Variants in CELF2 observed in about 807,000 individuals in gnomAD.
CELF2 encodes the protein CUG triplet repeat RNA-binding protein 2.
Under a neutral mutation model 62.6 loss-of-function variants are expected in CELF2, and 8 were observed. The ratio of observed to expected loss-of-function variants is 0.13; its 90% CI spans 0.07 to 0.23. The LOEUF (loss-of-function observed/expected upper bound fraction) is 0.23, where lower values mean the gene tolerates loss of function less well. Ranked by LOEUF, CELF2 falls within the 10% of genes least tolerant of loss-of-function variation. CELF2 has a pLI of 1.00. For missense variants in CELF2, 333 were observed against 671.0 expected, an observed-to-expected ratio of 0.50 and a Z score of 5.56; for synonymous variants, 258 against 250.0, an observed-to-expected ratio of 1.03 and a Z score of -0.30.
the CELF2 span, among the ~76,000 whole-genome samples, chr10:10,559,412 T>C: frequency 6.6e-6 from 1 of 152,218 alleles, no homozygotes; most frequent in African/African-American, 2.4e-5. Flanking sequence ...TCCCACAGAA[T>C]GTTACAAGGG....
At chr10:10,883,927 T>C (rs1180223045) in intron 1 of CELF2, among the ~76,000 whole-genome samples, 5 of 149,068 alleles carry the variant, frequency 3.4e-5, no homozygotes, top group African/African-American at 1.2e-4. Context: ...TCCTCCTCCT[T>C]CTCCTCCTCC....
At chr10:10,836,903 G>A (rs1186490568) in intron 1 of CELF2, among the ~76,000 whole-genome samples, 1 of 152,184 alleles carries the variant, frequency 6.6e-6, no homozygotes, top group Non-Finnish European at 1.5e-5. Context: ...TCAAAGTGCT[G>A]GGATTACAGG....
rs35886208 is a variant in CELF2, at chr10:11,053,612, C to CTT, written c.74+35468_74+35469dup. The stretch of plus-strand genomic sequence containing the variant: ...CATTCGTAGGCATACTCTGATATTT[C>CTT]TTTTTTTTTTTTTTTTTTTTGAGAC... On this transcript the variant is annotated intron_variant, in intron 1 of 12. Transcript: ENST00000633077. Among the ~76,000 whole-genome samples, 315 of 122,396 alleles carry CTT rather than the reference C, an allele frequency of 2.6e-3. 3 individuals are homozygous for CTT. Among genetic ancestry groups the CTT allele is most frequent in the African/African-American group, 5.5e-3 (182 of 33,134 alleles). 80.3% of individuals were successfully genotyped at this position (122,396 alleles called of 152,430 possible). A position where few individuals can be genotyped will look rare whatever the true frequency, so the allele number is the denominator to read the frequency against.
chr10:11,028,741 A>G (rs1173686631), intron 1 of CELF2, among the ~76,000 whole-genome samples: 10 of 118,850 alleles, frequency 8.4e-5, no homozygotes, highest in South Asian at 2.7e-4. Context: ...TTTTTGGGAG[A>G]TGGAATCTTG....
intron 1 of CELF2, among the ~76,000 whole-genome samples, chr10:10,903,552 T>C (rs1051171746): frequency 5.3e-5 from 8 of 152,214 alleles, no homozygotes; most frequent in Admixed American, 3.9e-4. Flanking sequence ...AAAGCTTCTA[T>C]AGGGAGTCTA....
chr10:11,120,772 C>T lies in CELF2; in HGVS notation c.75-44714C>T, dbSNP rs911229567. ...CCATCCATGCTGTGGCTGGTTTGGGCCCTTGATTTCATAGATTACTACCTG... is the reference window on the plus strand; with the variant it reads ...CCATCCATGCTGTGGCTGGTTTGGGTCCTTGATTTCATAGATTACTACCTG... On this transcript the variant is annotated intron_variant, in intron 1 of 12. Transcript: ENST00000633077. Among the ~76,000 whole-genome samples the T allele has an allele frequency of 8.5e-5, 13 of 152,250 alleles. No homozygotes were observed. The South Asian group carries it at 2.3e-3, about 27-fold the overall frequency.
At chr10:10,814,213 C>CAAAAAAA (rs2056217172) in intron 1 of CELF2, among the ~76,000 whole-genome samples, 1 of 20,996 alleles carries the variant, frequency 4.8e-5, no homozygotes, top group Non-Finnish European at 8.0e-5. Flanking sequence ...AAGAAGAGTC[C>CAAAAAAA]TAAAAAAAAA....
chr10:11,224,287 T>C lies in CELF2; in HGVS notation c.354+6780T>C, dbSNP rs1223144656. On this transcript the variant is annotated intron_variant, in intron 3 of 12. Coordinates refer to ENST00000633077, the MANE Select transcript of CELF2 (RefSeq NM_001326342.2). The surrounding 1 kb of genome is among the most constrained non-coding windows in gnomAD (Gnocchi z 4.5). ...AGAAAGTATGTTAACGCGCTGGTAC[T>C]GGTGCCTGATCAGATTTGCAAAAGT... Among the ~76,000 whole-genome samples the C allele has an allele frequency of 6.6e-6, 1 of 152,206 alleles. No homozygotes were observed. Among genetic ancestry groups the C allele is most frequent in the African/African-American group, 2.4e-5 (1 of 41,446 alleles).
chr10:10,748,724 G>A, the CELF2 span, among the ~76,000 whole-genome samples: 2 of 146,362 alleles, frequency 1.4e-5, no homozygotes, highest in South Asian at 4.4e-4. Context: ...CTCCATCCTG[G>A]GTGACAGAGC....
intron 1 of CELF2, among the ~76,000 whole-genome samples, chr10:11,134,527 G>T (rs1623188): frequency 0.32 from 47,997 of 151,924 alleles, 8,487 homozygotes; most frequent in East Asian, 0.76. Flanking sequence ...TGTCCTTCCA[G>T]TGCTGATTGT....
At chr10:10,843,537 T>G (rs947606818) in intron 1 of CELF2, among the ~76,000 whole-genome samples, 1 of 152,056 alleles carries the variant, frequency 6.6e-6, no homozygotes. Flanking sequence ...AAACATACTT[T>G]GTATGGTCTA....
At chr10:10,519,821 G>T in the CELF2 span, among the ~76,000 whole-genome samples, 1 of 152,224 alleles carries the variant, frequency 6.6e-6, no homozygotes. Flanking sequence ...ATGGGGAAGG[G>T]TTAAGGCTGT....
rs1451734273 is a variant in CELF2, at chr10:11,159,303, G to C, written c.75-6183G>C. Among the ~76,000 whole-genome samples the C allele has an allele frequency of 6.6e-6, 1 of 152,222 alleles. No homozygotes were observed. Among genetic ancestry groups the C allele is most frequent in the Admixed American group, 6.5e-5 (1 of 15,290 alleles). On this transcript the variant is annotated intron_variant, in intron 1 of 12. Coordinates refer to ENST00000633077, the MANE Select transcript of CELF2 (RefSeq NM_001326342.2). This position sits in a 1 kb window ranked among gnomAD's most constrained non-coding sequence, Gnocchi z 5.0. ...TTACCCAAAGTTTTCAGCAGCCCTG[G>C]ATGCCACTACAGTTAAGACATAGCT...
chr10:10,714,093 A>G, the CELF2 span, among the ~76,000 whole-genome samples: 138 of 152,278 alleles, frequency 9.1e-4, no homozygotes, highest in African/African-American at 3.0e-3. Context: ...CAATAAGACC[A>G]ACACGAAGAC....
At chr10:10,767,852 C>T in the CELF2 span, among the ~76,000 whole-genome samples, 2 of 145,050 alleles carry the variant, frequency 1.4e-5, 1 homozygote, top group Non-Finnish European at 3.0e-5. Context: ...AAAAATTAGC[C>T]GGGCGTGGTG....
chr10:10,704,661 T>G, the CELF2 span, among the ~76,000 whole-genome samples: 1 of 152,126 alleles, frequency 6.6e-6, no homozygotes, highest in Non-Finnish European at 1.5e-5. Flanking sequence ...AGCTGGGTAG[T>G]TGGGGCTTAG....
At chr10:11,034,444 CTG>C (rs1359920400) in intron 1 of CELF2, among the ~76,000 whole-genome samples, 1 of 151,648 alleles carries the variant, frequency 6.6e-6, no homozygotes, top group African/African-American at 2.4e-5. Context: ...CTGGAAGAAA[CTG>C]TTAATTTTTA....
At chr10:10,782,480 A>G in the CELF2 span, among the ~76,000 whole-genome samples, 2 of 152,186 alleles carry the variant, frequency 1.3e-5, no homozygotes. Flanking sequence ...GGGGAGGGCC[A>G]TCTGCTTTCA....
the CELF2 span, among the ~76,000 whole-genome samples, chr10:10,641,024 C>A: frequency 6.6e-6 from 1 of 152,114 alleles, no homozygotes; most frequent in African/African-American, 2.4e-5. Context: ...GAAAAGTTTG[C>A]AAATCTCTGA....
Sources: gnomAD v4.1 joint callset for allele counts (sites outside exome capture counted in the v4.1 genomes callset) on GRCh38, gnomAD v4.1.1 for gene constraint, Gnocchi (gnomAD v3.1) non-coding constraint, MANE v1.5 for transcripts, NCBI Gene and HGNC (gene_info 2026-07-23, HGNC 2026-07-21) for gene names.